ACBD6: variants seen among roughly 807,000 people sequenced by gnomAD.
The protein encoded by ACBD6 is acyl-CoA binding domain containing 6, also known as acyl-CoA-binding domain-containing protein 6.
In ACBD6, 28 loss-of-function variants were observed where a neutral mutation model predicts 37.2. The observed-to-expected ratio is 0.75, with a 90% CI of 0.56 to 1.03. The LOEUF (loss-of-function observed/expected upper bound fraction) is 1.03. Ranked by LOEUF, ACBD6 falls within the 50% of genes least tolerant of loss-of-function variation. The pLI is 0.00. For synonymous variants in ACBD6, 113 were observed against 126.8 expected (o/e 0.89, Z 0.73); for missense variants, 340 against 337.4 (o/e 1.01, Z -0.06).
chr1:180,285,141 A>G (rs534549544), downstream of ACBD6, among the ~76,000 whole-genome samples: 1 of 152,214 alleles, frequency 6.6e-6, no homozygotes, highest in Non-Finnish European at 1.5e-5. Context: ...TGACTCAAAA[A>G]GACGAAAAAA....
intron 6 of ACBD6, among the ~76,000 whole-genome samples, chr1:180,336,673 T>G (rs1651732743): frequency 6.6e-6 from 1 of 150,956 alleles, no homozygotes; most frequent in Non-Finnish European, 1.5e-5. Flanking sequence ...AGAGCAGAAC[T>G]GAAGGAGATA....
At chr1:180,355,042 C>T (rs1652569272) in intron 6 of ACBD6, among the ~76,000 whole-genome samples, 1 of 152,066 alleles carries the variant, frequency 6.6e-6, no homozygotes, top group African/African-American at 2.4e-5. Context: ...GTAACAACAA[C>T]AAAAAAGATT....
intron 4 of ACBD6, among the ~76,000 whole-genome samples, chr1:180,428,874 G>GA (rs962878301): frequency 6.6e-6 from 1 of 152,112 alleles, no homozygotes; most frequent in African/African-American, 2.4e-5. Context: ...TTGCTTAAGA[G>GA]AAAGAGGTTA....
chr1:180,480,748 C>T lies in ACBD6; in HGVS notation c.384+11521G>A, dbSNP rs1651000469. On this transcript the variant is annotated intron_variant, in intron 3 of 7. Coordinates refer to ENST00000367595, the MANE Select transcript of ACBD6 (RefSeq NM_032360.4). ...AGATGTCACTTAAAAAATGAGATTTCAGGCTGGGCACGGTGGCTCATGCCT... is the reference window on the plus strand; with the variant it reads ...AGATGTCACTTAAAAAATGAGATTTTAGGCTGGGCACGGTGGCTCATGCCT... Among the ~76,000 whole-genome samples the T allele has an allele frequency of 2.0e-5, 3 of 152,186 alleles. No individual in the cohort carries two copies. In the South Asian group the frequency reaches 6.2e-4, roughly 32 times the overall value.
chr1:180,336,848 C>T (rs1230120909), intron 6 of ACBD6, among the ~76,000 whole-genome samples: 3 of 152,038 alleles, frequency 2.0e-5, no homozygotes, highest in Non-Finnish European at 4.4e-5. Flanking sequence ...CACAGAAATA[C>T]AAACTACCAT....
intron 6 of ACBD6, among the ~76,000 whole-genome samples, chr1:180,324,611 T>C (rs1651189884): frequency 6.6e-6 from 1 of 152,206 alleles, no homozygotes; most frequent in Admixed American, 6.5e-5. Context: ...AACTAGTCTT[T>C]CTACTTAAGA....
chr1:180,273,754 G>C, intron 11 of ACBD6: 2 of 231,510 alleles, frequency 8.6e-6, no homozygotes, highest in Non-Finnish European at 1.7e-5. Context: ...ATATGGGCCT[G>C]CTTGCTTCCC....
At chr1:180,284,107 C>T (rs1398917501), downstream of ACBD6, among the ~76,000 whole-genome samples, 2 of 152,152 alleles carry the variant, frequency 1.3e-5, no homozygotes, top group Non-Finnish European at 2.9e-5. Context: ...TTTACCTGTT[C>T]AATCCTCTAG....
chr1:180,418,698 T>C (rs1166950658), intron 4 of ACBD6, among the ~76,000 whole-genome samples: 1 of 152,240 alleles, frequency 6.6e-6, no homozygotes, highest in East Asian at 1.9e-4. Context: ...TTCTAATTAA[T>C]ATCTAATTAA....
intron 6 of ACBD6, among the ~76,000 whole-genome samples, chr1:180,381,795 A>T (rs1653661630): frequency 6.6e-6 from 1 of 152,168 alleles, no homozygotes; most frequent in Admixed American, 6.5e-5. Context: ...CAATCTAACA[A>T]GTCACCTCAA....
exon 14 of ACBD6, chr1:180,271,649 C>G: frequency 7.0e-7 from 1 of 1,426,780 alleles, no homozygotes; most frequent in East Asian, 2.3e-5. Context: ...GACCCCAGGG[C>G]TTTTGCCAGA....
At chr1:180,382,682 A>G (rs1049503738) in intron 6 of ACBD6, among the ~76,000 whole-genome samples, 2 of 152,172 alleles carry the variant, frequency 1.3e-5, no homozygotes, top group African/African-American at 4.8e-5. Context: ...TTAAAGAGGA[A>G]GGCATTCCCC....
At chr1:180,376,802 A>G (rs1200461352) in intron 6 of ACBD6, among the ~76,000 whole-genome samples, 1 of 152,148 alleles carries the variant, frequency 6.6e-6, no homozygotes, top group East Asian at 1.9e-4. Flanking sequence ...TACGCCTCTG[A>G]TGCTCATATC....
chr1:180,431,853 C>T (rs917738975), intron 3 of ACBD6, among the ~76,000 whole-genome samples: 14 of 152,036 alleles, frequency 9.2e-5, no homozygotes, highest in African/African-American at 2.7e-4. Context: ...GGTAACATGG[C>T]GGAAAATCTA....
chr1:180,442,218 A>T (rs1261194904), intron 3 of ACBD6, among the ~76,000 whole-genome samples: 1 of 151,726 alleles, frequency 6.6e-6, no homozygotes, highest in Non-Finnish European at 1.5e-5. Flanking sequence ...TGGTTTCATT[A>T]CATTTCTTCC....
intron 3 of ACBD6, among the ~76,000 whole-genome samples, chr1:180,463,178 G>A (rs775704918): frequency 6.6e-6 from 1 of 152,062 alleles, no homozygotes; most frequent in Non-Finnish European, 1.5e-5. Flanking sequence ...AGAACCAAGG[G>A]CAAACAAATC....
Position 180,397,525 on chromosome 1 carries a change from A to C in ACBD6, c.654T>G (p.Ile218Met). ...VTVLLQHRAD[I>M]NCQDNEGQTA... is the part of the protein sequence containing the mutation. ...TCTTTATCACTCTTACCTGACAGTT[A>C]ATGTCAGCTCTATGTTGCAGCAACA... The change falls in exon 6 of 8, where the codon ATT (isoleucine) becomes ATG (methionine). Residue 218 changes from isoleucine (I) to methionine (M), a missense_variant. By Grantham distance (10) the Ile-to-Met change is conservative. Coordinates refer to ENST00000367595, the MANE Select transcript of ACBD6 (RefSeq NM_032360.4). 1 of 1,613,464 alleles carries C rather than the reference A, an allele frequency of 6.2e-7. No individual in the cohort carries two copies. Among genetic ancestry groups the C allele is most frequent in the South Asian group, 1.1e-5 (1 of 91,078 alleles).
At chr1:180,288,152 G>A (rs1386547417), downstream of ACBD6, 4 of 597,480 alleles carry the variant, frequency 6.7e-6, no homozygotes, top group South Asian at 5.9e-5. Flanking sequence ...ATTATATTAT[G>A]CACAGTACAC....
chr1:180,489,813 T>C (rs1171609807), intron 3 of ACBD6, among the ~76,000 whole-genome samples: 1 of 151,954 alleles, frequency 6.6e-6, no homozygotes, highest in African/African-American at 2.4e-5. Context: ...CTTGCCACCA[T>C]TGCTGGCTAA....
Sources: gnomAD v4.1 joint callset for allele counts (sites outside exome capture counted in the v4.1 genomes callset) on GRCh38, gnomAD v4.1.1 for gene constraint, MANE v1.5 for transcripts, NCBI Gene and HGNC (gene_info 2026-07-23, HGNC 2026-07-21) for gene names.